Variants in CCDC6 observed in about 807,000 individuals in gnomAD.
CCDC6 encodes the protein coiled-coil domain containing 6.
In CCDC6, 20 loss-of-function variants were observed where a neutral mutation model predicts 56.6. That is an observed-to-expected ratio of 0.35 (90% CI 0.25 to 0.51). The LOEUF (loss-of-function observed/expected upper bound fraction) is 0.51. Among genes scored for constraint, CCDC6 ranks in the 20% least tolerant of loss-of-function variants. The pLI is 0.95. For missense variants in CCDC6, 367 were observed against 601.1 expected (o/e 0.61, Z 4.07); for synonymous variants, 241 against 234.4 (o/e 1.03, Z -0.26).
chr10:59,878,108 T>C (rs980845024), intron 1 of CCDC6, among the ~76,000 whole-genome samples: 1 of 152,224 alleles, frequency 6.6e-6, no homozygotes, highest in East Asian at 1.9e-4. Context: ...CTCAGTTCCT[T>C]AGTATCTTAA....
chr10:59,865,352 A>T (rs2071167870), intron 1 of CCDC6, among the ~76,000 whole-genome samples: 1 of 152,234 alleles, frequency 6.6e-6, no homozygotes, highest in Non-Finnish European at 1.5e-5. Flanking sequence ...TGACCTCTGC[A>T]ACAGAAAGTA....
chr10:59,902,470 T>C (rs1459110712), intron 1 of CCDC6, among the ~76,000 whole-genome samples: 2 of 144,584 alleles, frequency 1.4e-5, no homozygotes, highest in Non-Finnish European at 3.0e-5. Flanking sequence ...ATTGGCTCAC[T>C]GCAACCTCCA....
At chr10:59,844,013 G>A (rs142720708) in intron 2 of CCDC6, among the ~76,000 whole-genome samples, 1 of 152,220 alleles carries the variant, frequency 6.6e-6, no homozygotes, top group African/African-American at 2.4e-5. Context: ...AAGCAGCCTT[G>A]GGTGCTTCGT....
At chr10:59,901,540 CT>C (rs1371721755) in intron 1 of CCDC6, among the ~76,000 whole-genome samples, 31 of 152,160 alleles carry the variant, frequency 2.0e-4, no homozygotes, top group African/African-American at 7.5e-4. Context: ...TTCAAAACAC[CT>C]TGTACTTCTG....
chr10:59,863,093 A>G (rs1407257888), intron 1 of CCDC6, among the ~76,000 whole-genome samples: 4 of 152,102 alleles, frequency 2.6e-5, no homozygotes, highest in African/African-American at 9.7e-5. Context: ...GTATGGTGTG[A>G]AAGAAGCTGC....
chr10:59,844,085 A>C (rs1370038534), intron 2 of CCDC6, among the ~76,000 whole-genome samples: 1 of 152,220 alleles, frequency 6.6e-6, no homozygotes, highest in Non-Finnish European at 1.5e-5. Flanking sequence ...TATTTAACAA[A>C]GAAGGATTTT....
intron 1 of CCDC6, among the ~76,000 whole-genome samples, chr10:59,905,144 C>G (rs967459338): frequency 2.6e-5 from 4 of 152,096 alleles, no homozygotes; most frequent in African/African-American, 7.2e-5. Flanking sequence ...ATGTGGTGAG[C>G]TGGCAGGGAT....
rs556174581 is a variant in CCDC6, at chr10:59,818,167, TG to T, written c.583-3413del. On this transcript the variant is annotated intron_variant, in intron 3 of 8. Coordinates refer to ENST00000263102, the MANE Select transcript of CCDC6 (RefSeq NM_005436.5). ...CAACAATACTTGGGAGTAGCAGAGT[TG>T]GGGGTAGCTGATGCCAGGGAAATAA... Among the ~76,000 whole-genome samples, 9 of 152,192 alleles carry T rather than the reference TG, an allele frequency of 5.9e-5. No homozygotes were observed. In the East Asian group the frequency reaches 1.2e-3, roughly 20 times the overall value.
rs540769075 is a variant in CCDC6, at chr10:59,790,779, C to T, written c.*2138G>A. On this transcript the variant is annotated 3_prime_UTR_variant, in exon 9 of 9. Transcript: ENST00000263102. The stretch of plus-strand genomic sequence containing the variant: ...AAAGGCATTTATCAGGAAATGTTCG[C>T]TCACTCCAAGTGCTTTTTAAAAATT... 245 of 214,888 alleles carry T rather than the reference C, an allele frequency of 1.1e-3. No individual in the cohort carries two copies. Among genetic ancestry groups the T allele is most frequent in the Admixed American group, 7.9e-3 (136 of 17,112 alleles). The allele number at this position is 214,888 out of a possible 1,614,324, so 13.3% of individuals were successfully genotyped here.
chr10:59,792,657 A>G lies in CCDC6; in HGVS notation c.*260T>C, dbSNP rs2070477891. On this transcript the variant is annotated 3_prime_UTR_variant, in exon 9 of 9. Coordinates refer to ENST00000263102, the MANE Select transcript of CCDC6 (RefSeq NM_005436.5). ...GCTGCTGAAATACCAAATACCAAAC[A>G]GCGAAGGTTCCAGCCAGGGAATGGA... The G allele has an allele frequency of 2.7e-6, 2 of 727,900 alleles. No individual in the cohort carries two copies. The highest frequency in any genetic ancestry group is 2.5e-6 in the Non-Finnish European group (1 of 394,786). 45.1% of individuals were successfully genotyped at this position (727,900 alleles called of 1,614,324 possible).
intron 1 of CCDC6, among the ~76,000 whole-genome samples, chr10:59,898,661 T>C (rs75982783): frequency 2.6e-5 from 4 of 152,366 alleles, no homozygotes; most frequent in East Asian, 1.9e-4. Flanking sequence ...CAATCCTCGC[T>C]ATGCTACCGG....
intron 1 of CCDC6, among the ~76,000 whole-genome samples, chr10:59,884,553 G>A (rs1245011466): frequency 2.6e-5 from 4 of 152,078 alleles, no homozygotes; most frequent in Non-Finnish European, 4.4e-5. Context: ...AAGAGAGTGC[G>A]CCCAGTTCCC....
intron 1 of CCDC6, among the ~76,000 whole-genome samples, chr10:59,900,929 A>G (rs2071500184): frequency 6.6e-6 from 1 of 152,134 alleles, no homozygotes; most frequent in Non-Finnish European, 1.5e-5. Flanking sequence ...ATGGTGGCGC[A>G]TGCCTGTAGT....
chr10:59,827,318 T>TAAGTACCGTTTTATGA (rs2070796119), intron 3 of CCDC6, among the ~76,000 whole-genome samples: 1 of 152,232 alleles, frequency 6.6e-6, no homozygotes, highest in Non-Finnish European at 1.5e-5. Context: ...GCAAAGCATG[T>TAAGTACCGTTTTATGA]AAGTACCGTT....
chr10:59,824,069 C>A (rs2070767782), intron 3 of CCDC6, among the ~76,000 whole-genome samples: 1 of 152,280 alleles, frequency 6.6e-6, no homozygotes, highest in Non-Finnish European at 1.5e-5. Context: ...ATCATCTGTA[C>A]AAGTTGACCT....
chr10:59,882,026 C>CCGG (rs1564755796), intron 1 of CCDC6, among the ~76,000 whole-genome samples: 7 of 51,480 alleles, frequency 1.4e-4, no homozygotes, highest in Admixed American at 3.7e-4. Flanking sequence ...AGGAAAGCCG[C>CCGG]GGGGAGAAGG....
chr10:59,888,891 A>G (rs915086558), intron 1 of CCDC6, among the ~76,000 whole-genome samples: 3 of 152,140 alleles, frequency 2.0e-5, no homozygotes, highest in Non-Finnish European at 4.4e-5. Context: ...AATAAATTTC[A>G]CAGCAGGGAA....
chr10:59,856,910 A>C (rs971438305), intron 1 of CCDC6, among the ~76,000 whole-genome samples: 1 of 152,250 alleles, frequency 6.6e-6, no homozygotes, highest in Non-Finnish European at 1.5e-5. Flanking sequence ...TGAAGGAAGA[A>C]ACATTTTCCT....
At chr10:59,862,440 A>C (rs1038305257) in intron 1 of CCDC6, among the ~76,000 whole-genome samples, 2 of 150,422 alleles carry the variant, frequency 1.3e-5, no homozygotes, top group African/African-American at 4.9e-5. Context: ...GTGAGCTGAG[A>C]TCATGCCCCT....
Sources: gnomAD v4.1 joint callset for allele counts (sites outside exome capture counted in the v4.1 genomes callset) on GRCh38, gnomAD v4.1.1 for gene constraint, MANE v1.5 for transcripts, NCBI Gene and HGNC (gene_info 2026-07-23, HGNC 2026-07-21) for gene names.